The following SHROOM3 variants were observed in gnomAD, a reference collection of about 807,000 sequenced individuals.
SHROOM3 encodes protein Shroom3.
SHROOM3 carries 47 observed loss-of-function variants against 138.6 expected under a neutral mutation model. The observed-to-expected ratio is 0.34, with a 90% CI of 0.27 to 0.43. SHROOM3 has a LOEUF of 0.43. SHROOM3 is among the 20% of genes least tolerant of loss of function. The probability of loss-of-function intolerance (pLI) is 1.00; values close to 1 mark genes in which losing one functional copy is unlikely to be tolerated. For missense variants in SHROOM3, 2,491 were observed against 2,596.5 expected (o/e 0.96, Z 0.88); for synonymous variants, 1,062 against 1,063.3 (o/e 1.00, Z 0.02).
At chr4:76,532,747 C>T (rs1732859268) in intron 1 of SHROOM3, among the ~76,000 whole-genome samples, 2 of 152,108 alleles carry the variant, frequency 1.3e-5, no homozygotes, top group African/African-American at 4.8e-5. Flanking sequence ...CCTCAGCGTA[C>T]ATTTTTTTTT....
chr4:76,651,819 T>C (rs1338728960), intron 2 of SHROOM3, among the ~76,000 whole-genome samples: 1 of 152,202 alleles, frequency 6.6e-6, no homozygotes, highest in African/African-American at 2.4e-5. Context: ...TTCTTTGTCA[T>C]AAACCATCAG....
intron 4 of SHROOM3, among the ~76,000 whole-genome samples, chr4:76,731,858 A>C (rs1263613176): frequency 1.3e-5 from 2 of 152,144 alleles, no homozygotes; most frequent in East Asian, 3.8e-4. Context: ...ACAACTGATC[A>C]GTACCCAAGT....
rs1579174535 is a variant in SHROOM3, at chr4:76,468,921, C to G, written c.168+32701C>G. ...TGGTGGCAGGCGACTGTAGTCCCAG[C>G]TACTCGGGAGGCTGAAACAGGAGAA... On this transcript the variant is annotated intron_variant, in intron 1 of 10. Coordinates refer to ENST00000296043, the MANE Select transcript of SHROOM3 (RefSeq NM_020859.4). Among the ~76,000 whole-genome samples the G allele has an allele frequency of 2.0e-5, 3 of 152,000 alleles. No individual in the cohort carries two copies. In the East Asian group the frequency reaches 5.8e-4, roughly 29 times the overall value.
intron 1 of SHROOM3, among the ~76,000 whole-genome samples, chr4:76,516,212 A>G (rs1410479789): frequency 6.6e-6 from 1 of 152,260 alleles, no homozygotes; most frequent in East Asian, 1.9e-4. Flanking sequence ...ACTCAAATGT[A>G]TATCTCTTCT....
At chr4:76,725,156 C>T (rs768744764) in intron 3 of SHROOM3, among the ~76,000 whole-genome samples, 1 of 151,626 alleles carries the variant, frequency 6.6e-6, no homozygotes, top group Non-Finnish European at 1.5e-5. Flanking sequence ...CCACCCCCAC[C>T]GCCAAAATCA....
chr4:76,497,785 G>T (rs532731040), intron 1 of SHROOM3, among the ~76,000 whole-genome samples: 2 of 152,336 alleles, frequency 1.3e-5, no homozygotes, highest in African/African-American at 4.8e-5. Flanking sequence ...TTGAACCTGG[G>T]AGATGGAGGT....
At chr4:76,478,332 T>G (rs1731532500) in intron 1 of SHROOM3, among the ~76,000 whole-genome samples, 1 of 152,196 alleles carries the variant, frequency 6.6e-6, no homozygotes, top group Non-Finnish European at 1.5e-5. Flanking sequence ...GTAGGCAGTT[T>G]TCCCCTCACA....
chr4:76,547,813 C>G (rs2110024441), intron 1 of SHROOM3, among the ~76,000 whole-genome samples: 1 of 151,918 alleles, frequency 6.6e-6, no homozygotes, highest in Non-Finnish European at 1.5e-5. Context: ...GCCTATAGTC[C>G]CAGCTACTCG....
chr4:76,557,261 ACG>A (rs1491583510), intron 2 of SHROOM3, among the ~76,000 whole-genome samples: 2 of 149,664 alleles, frequency 1.3e-5, no homozygotes, highest in Non-Finnish European at 3.0e-5. Context: ...ACACACACAC[ACG>A]AGGAATATTA....
chr4:76,698,061 T>C (rs1383358475), intron 2 of SHROOM3, among the ~76,000 whole-genome samples: 1 of 152,210 alleles, frequency 6.6e-6, no homozygotes, highest in Non-Finnish European at 1.5e-5. Flanking sequence ...GGCTGCAGTT[T>C]GGTACCTTGA....
At position 76,603,134 on chromosome 4, in the gene SHROOM3, C is replaced by T. The variant is rs908783380; in HGVS notation, c.323+47371C>T. Among the ~76,000 whole-genome samples, 8 of 152,042 alleles carry T rather than the reference C, an allele frequency of 5.3e-5. No homozygotes were observed. The East Asian group carries it at 1.5e-3, about 29-fold the overall frequency. On this transcript the variant is annotated intron_variant, in intron 2 of 10. Coordinates refer to ENST00000296043, the MANE Select transcript of SHROOM3 (RefSeq NM_020859.4). ...GATAGTTATCTTTTAAAAACACATA[C>T]TTGGCTGGGCGTGGTGGCTCACACC...
chr4:76,602,146 T>A (rs980413794), intron 2 of SHROOM3, among the ~76,000 whole-genome samples: 6 of 152,196 alleles, frequency 3.9e-5, no homozygotes, highest in African/African-American at 7.2e-5. Flanking sequence ...TACAGAACGT[T>A]CCTTTCAATC....
intron 2 of SHROOM3, among the ~76,000 whole-genome samples, chr4:76,581,238 C>T (rs1356321129): frequency 1.3e-5 from 2 of 151,966 alleles, no homozygotes; most frequent in Non-Finnish European, 2.9e-5. Context: ...TACCTTCTGG[C>T]CAGTAACATT....
intron 2 of SHROOM3, among the ~76,000 whole-genome samples, chr4:76,643,316 T>A (rs4859701): frequency 3.3e-5 from 5 of 151,718 alleles, no homozygotes; most frequent in African/African-American, 7.3e-5. Context: ...CAATTCATCC[T>A]CAGAACACCC....
chr4:76,584,536 G>C (rs1006251710), intron 2 of SHROOM3, among the ~76,000 whole-genome samples: 1 of 152,148 alleles, frequency 6.6e-6, no homozygotes, highest in Non-Finnish European at 1.5e-5. Flanking sequence ...TCCACTCCTG[G>C]CTCCTTTAAA....
At chr4:76,702,025 A>G (rs1719915941) in intron 2 of SHROOM3, among the ~76,000 whole-genome samples, 1 of 152,350 alleles carries the variant, frequency 6.6e-6, no homozygotes, top group South Asian at 2.1e-4. Context: ...AATAGTACCC[A>G]TAATCCTGTC....
At chr4:76,742,430 G>T (rs886997941) in intron 5 of SHROOM3, among the ~76,000 whole-genome samples, 4 of 152,034 alleles carry the variant, frequency 2.6e-5, no homozygotes, top group African/African-American at 9.7e-5. Context: ...TGAGCTAAGT[G>T]TAATCTACAT....
intron 2 of SHROOM3, chr4:76,645,483 G>T (rs975120342): frequency 6.6e-6 from 1 of 152,188 alleles, no homozygotes; most frequent in Non-Finnish European, 1.5e-5. Flanking sequence ...GCCACAGAAA[G>T]GTTGTATCTA....
At chr4:76,719,731 T>C (rs771443779) in intron 3 of SHROOM3, among the ~76,000 whole-genome samples, 5 of 152,186 alleles carry the variant, frequency 3.3e-5, no homozygotes, top group Non-Finnish European at 5.9e-5. Context: ...TCCCTCTCTT[T>C]TATAGTAGTG....
Sources: allele counts gnomAD v4.1 joint callset (sites outside exome capture counted in the v4.1 genomes callset), GRCh38; gene constraint gnomAD v4.1.1; transcripts MANE v1.5; gene names NCBI Gene and HGNC (gene_info 2026-07-23, HGNC 2026-07-21).